Variants in ATP11B observed in about 807,000 individuals in gnomAD.
ATP11B encodes the protein ATPase phospholipid transporting 11B (putative), also known as phospholipid-transporting ATPase IF.
In ATP11B, 81 loss-of-function variants were observed where a neutral mutation model predicts 157.8. That is an observed-to-expected ratio of 0.51 (90% CI 0.43 to 0.62). The LOEUF (loss-of-function observed/expected upper bound fraction) is 0.62, where lower values mean the gene tolerates loss of function less well. Among genes scored for constraint, ATP11B ranks in the 20% least tolerant of loss-of-function variants. The probability of loss-of-function intolerance (pLI) is 0.00; values close to 1 mark genes in which losing one functional copy is unlikely to be tolerated. For synonymous variants in ATP11B, 451 were observed against 469.4 expected (o/e 0.96, Z 0.51); for missense variants, 1,165 against 1,402.2 (o/e 0.83, Z 2.70).
chr3:182,846,384 C>T (rs756534787), intron 9 of ATP11B, among the ~76,000 whole-genome samples: 1 of 149,480 alleles, frequency 6.7e-6, no homozygotes, highest in Non-Finnish European at 1.5e-5. Context: ...GAATGTAAAA[C>T]GTTGCAGCTG....
Position 182,898,633 on chromosome 3 carries a change from A to T in ATP11B, c.3179A>T (p.Tyr1060Phe). Residue 1060 changes from tyrosine (Y) to phenylalanine (F), a missense_variant, in exon 28 of 30, where the codon TAT becomes TTT. Coordinates refer to ENST00000323116, the MANE Select transcript of ATP11B (RefSeq NM_014616.3). The stretch of plus-strand genomic sequence containing the variant: ...CCATTTTTGGGCTCCCAGAATATGT[A>T]TTTTGTGTTTATTCAGCTCCTGTCA... ...LWPFLGSQNM[Y>F]FVFIQLLSSG... 1.2e-6 allele frequency: 2 copies of T among 1,603,992 alleles called. No individual in the cohort carries two copies. The highest frequency in any genetic ancestry group is 2.3e-5 in the South Asian group (2 of 88,762).
At chr3:182,846,506 A>G (rs1304028314) in intron 9 of ATP11B, among the ~76,000 whole-genome samples, 1 of 152,228 alleles carries the variant, frequency 6.6e-6, no homozygotes, top group African/African-American at 2.4e-5. Context: ...GAGTGTTCAA[A>G]CGAAAACTTC....
At chr3:182,911,833 G>C (rs1325832502) in intron 28 of ATP11B, among the ~76,000 whole-genome samples, 1 of 152,204 alleles carries the variant, frequency 6.6e-6, no homozygotes, top group African/African-American at 2.4e-5. Flanking sequence ...TAGAATCAGA[G>C]AAAGAGATGA....
At chr3:182,915,936 C>T in intron 29 of ATP11B, 1 of 980,418 alleles carries the variant, frequency 1.0e-6, no homozygotes, top group Non-Finnish European at 1.2e-6. Context: ...AATGCCCTTC[C>T]AGGTTTCTCC....
intron 1 of ATP11B, among the ~76,000 whole-genome samples, chr3:182,814,096 CTT>C (rs1365019286): frequency 6.6e-6 from 1 of 151,690 alleles, no homozygotes; most frequent in Non-Finnish European, 1.5e-5. Context: ...GAGTTTTGCT[CTT>C]GTCACCCAGG....
At chr3:182,916,971 A>G in intron 29 of ATP11B, 1 of 983,754 alleles carries the variant, frequency 1.0e-6, no homozygotes, top group East Asian at 1.1e-4. Context: ...GGTGCCCAAT[A>G]TATGTCAGAC....
Position 182,918,409 on chromosome 3 carries a change from A to T in ATP11B, c.*305A>T. The T allele has an allele frequency of 2.5e-6, 1 of 399,326 alleles. No individual in the cohort carries two copies. Among genetic ancestry groups the T allele is most frequent in the East Asian group, 3.6e-5 (1 of 28,084 alleles). 24.7% of individuals were successfully genotyped at this position (399,326 alleles called of 1,614,324 possible). On this transcript the variant is annotated 3_prime_UTR_variant, in exon 30 of 30. Transcript: ENST00000323116. ...ATTTCAGTCTGTTGCTGAGGCCATT[A>T]TATTTTAATATAAATGTAGAAAAAA...
intron 9 of ATP11B, among the ~76,000 whole-genome samples, chr3:182,846,898 G>C (rs1041244463): frequency 9.9e-5 from 15 of 152,016 alleles, no homozygotes; most frequent in African/African-American, 3.4e-4. Context: ...AATTATAAAC[G>C]TACTAAGTGC....
At position 182,893,809 on chromosome 3, in the gene ATP11B, C is replaced by G. The variant is rs1449097137; in HGVS notation, c.2983-2891C>G. Reference sequence around the variant, plus strand: ...TTATACTAGTTTATATTCCCACCAACAGTGTAAAAGTGTTCCCTTTTCACC... The same window carrying G: ...TTATACTAGTTTATATTCCCACCAAGAGTGTAAAAGTGTTCCCTTTTCACC... On this transcript the variant is annotated intron_variant, in intron 25 of 29. Coordinates refer to ENST00000323116, the MANE Select transcript of ATP11B (RefSeq NM_014616.3). 2.0e-5 allele frequency among the ~76,000 whole-genome samples: 3 copies of G among 152,232 alleles called. No homozygotes were observed. The East Asian group carries it at 5.8e-4, about 29-fold the overall frequency.
chr3:182,841,977 C>CAAAAAAAAAAAAAAAAA (rs11401208), intron 7 of ATP11B, 98 bp from the exon 8 acceptor site: 1 of 330,610 alleles, frequency 3.0e-6, no homozygotes. Flanking sequence ...AGACTCGTCT[C>CAAAAAAAAAAAAAAAAA]AAAAAAAAAA....
At chr3:182,850,678 A>G (rs1025955650) in intron 10 of ATP11B, among the ~76,000 whole-genome samples, 1 of 152,164 alleles carries the variant, frequency 6.6e-6, no homozygotes, top group Non-Finnish European at 1.5e-5. Flanking sequence ...TAGCCTGGAG[A>G]TGTCTCAAAA....
chr3:182,886,571 A>G (rs1170507659), intron 23 of ATP11B, among the ~76,000 whole-genome samples: 1 of 152,178 alleles, frequency 6.6e-6, no homozygotes, highest in South Asian at 2.1e-4. Flanking sequence ...GTTTGCATGC[A>G]TGTCACATAT....
chr3:182,852,261 G>A (rs1322626393), intron 10 of ATP11B, among the ~76,000 whole-genome samples: 4 of 152,178 alleles, frequency 2.6e-5, no homozygotes, highest in Non-Finnish European at 5.9e-5. Context: ...GCAGACTCAA[G>A]GCAAAGCCCA....
chr3:182,835,527 T>C (rs76724966), intron 4 of ATP11B, among the ~76,000 whole-genome samples: 2,500 of 152,282 alleles, frequency 0.016, 170 homozygotes, highest in East Asian at 0.11. Flanking sequence ...ATGGGAAACA[T>C]TGGACATGCA....
intron 29 of ATP11B, chr3:182,915,575 T>G (rs201646868): frequency 1.0e-6 from 1 of 975,624 alleles, no homozygotes; most frequent in East Asian, 1.1e-4. Flanking sequence ...TCTCCTTCAA[T>G]GGAAATTTCT....
At chr3:182,873,642 G>A (rs544757708) in intron 18 of ATP11B, among the ~76,000 whole-genome samples, 170 bp from the exon 19 acceptor site, 20 of 152,206 alleles carry the variant, frequency 1.3e-4, no homozygotes, top group South Asian at 8.3e-4. Context: ...CTGTTTATTC[G>A]TGTTTCCTTC....
intron 1 of ATP11B, among the ~76,000 whole-genome samples, chr3:182,814,345 G>A (rs1716846985): frequency 6.6e-6 from 1 of 152,070 alleles, no homozygotes; most frequent in Non-Finnish European, 1.5e-5. Context: ...GATTACAGGC[G>A]TGAGCCACTG....
At chr3:182,910,315 C>T (rs2015385) in intron 28 of ATP11B, among the ~76,000 whole-genome samples, 43,543 of 151,902 alleles carry the variant, frequency 0.29, 6,689 homozygotes, top group East Asian at 0.56. Flanking sequence ...GTAGCTCACA[C>T]CTGTAATCCC....
At chr3:182,849,357 T>C (rs1032412124) in intron 10 of ATP11B, among the ~76,000 whole-genome samples, 3 of 152,154 alleles carry the variant, frequency 2.0e-5, no homozygotes, top group African/African-American at 7.2e-5. Flanking sequence ...CTGTCTACAA[T>C]GTATTATTAT....
Sources: gnomAD v4.1 joint callset for allele counts (sites outside exome capture counted in the v4.1 genomes callset) on GRCh38, gnomAD v4.1.1 for gene constraint, MANE v1.5 for transcripts, NCBI Gene and HGNC (gene_info 2026-07-23, HGNC 2026-07-21) for gene names.